SHLD2: variants seen among roughly 807,000 people sequenced by gnomAD.
The protein encoded by SHLD2 is shieldin complex subunit 2.
SHLD2 carries 30 observed loss-of-function variants against 73.2 expected under a neutral mutation model. The observed-to-expected ratio is 0.41, with a 90% CI of 0.31 to 0.56. The LOEUF is 0.56. Ranked by LOEUF, SHLD2 falls within the 20% of genes least tolerant of loss-of-function variation. The pLI is 0.28. For missense variants in SHLD2, 745 were observed against 1,055.9 expected (o/e 0.71, Z 4.08); for synonymous variants, 285 against 370.1 (o/e 0.77, Z 2.64).
rs1202164244 is a variant in SHLD2 at position 87,151,922 on chromosome 10, G to T, written c.568G>T (p.Gly190Trp). 1 of 1,610,914 alleles carries T rather than the reference G, an allele frequency of 6.2e-7. No homozygotes were observed. The highest frequency in any genetic ancestry group is 2.2e-5 in the East Asian group (1 of 44,874). The stretch of plus-strand genomic sequence containing the variant: ...TTGTAGTACTGAAAAAATTAATATA[G>T]GGCCTGAAGTGGTACAAAGAGAGTG... ...LVCSTEKINIGPEVVQRECVP... is the reference protein window; with the variant it reads ...LVCSTEKINIWPEVVQRECVP... The change falls in exon 3 of 10, where the codon GGG becomes TGG. Residue 190 changes from glycine (G) to tryptophan (W), a missense_variant. By Grantham distance (184) the Gly-to-Trp change is radical (BLOSUM62 -2). Around this residue, in one of 5 missense-constraint regions of SHLD2, gnomAD observed 280 missense variants for 353.9 expected, o/e 0.79. Transcript: ENST00000298786.
chr10:87,103,310 G>A (rs1187008669), intron 2 of SHLD2, among the ~76,000 whole-genome samples: 2 of 152,062 alleles, frequency 1.3e-5, no homozygotes, highest in East Asian at 3.8e-4. Context: ...TCAAGTGCTA[G>A]TTAATACTTC....
In SHLD2 at chr10:87,180,064, G is replaced by T. The variant is rs1848205688; in HGVS notation, c.2171-11G>T. 6.2e-7 allele frequency: 1 copy of T among 1,609,268 alleles called. No homozygotes were observed. Among genetic ancestry groups the T allele is most frequent in the South Asian group, 1.1e-5 (1 of 90,986 alleles). ...CCAATAATTTATAATATATCTGTTTGTTGTTTGTAGGAGTGGTTCTGATTA... is the reference window on the plus strand; with the variant it reads ...CCAATAATTTATAATATATCTGTTTTTTGTTTGTAGGAGTGGTTCTGATTA... On this transcript the variant is annotated splice_polypyrimidine_tract_variant and intron_variant, in intron 7 of 9. Transcript: ENST00000298786.
intron 2 of SHLD2, among the ~76,000 whole-genome samples, chr10:87,148,559 G>T (rs966225831): frequency 1.2e-4 from 15 of 128,946 alleles, no homozygotes; most frequent in African/African-American, 4.2e-4. Flanking sequence ...ACAAGTTTGT[G>T]GGGGGGCGGG....
At chr10:87,149,111 C>T (rs1177402098) in intron 2 of SHLD2, among the ~76,000 whole-genome samples, 2 of 151,852 alleles carry the variant, frequency 1.3e-5, no homozygotes, top group African/African-American at 2.4e-5. Flanking sequence ...TGGTCTCGGA[C>T]TCCTGACCTC....
intron 2 of SHLD2, among the ~76,000 whole-genome samples, chr10:87,127,537 C>A (rs1179762486): frequency 6.5e-5 from 5 of 76,840 alleles, no homozygotes; most frequent in Admixed American, 1.4e-4. Flanking sequence ...CCGCCCCCCC[C>A]CACCCCGTCT....
At chr10:87,161,773 T>C (rs1846834682) in intron 4 of SHLD2, among the ~76,000 whole-genome samples, 1 of 152,112 alleles carries the variant, frequency 6.6e-6, no homozygotes, top group African/African-American at 2.4e-5. Context: ...CTAAAGCTCA[T>C]AGGGGAAAAC....
At chr10:87,140,566 G>GA in intron 2 of SHLD2, among the ~76,000 whole-genome samples, 1 of 151,122 alleles carries the variant, frequency 6.6e-6, no homozygotes, top group East Asian at 1.9e-4. Flanking sequence ...CCTTAAAAAA[G>GA]AAAAAGAAAC....
intron 1 of SHLD2, among the ~76,000 whole-genome samples, chr10:87,096,183 TACAGGCCCGCGCC>T (rs1841863555): frequency 6.6e-6 from 1 of 152,164 alleles, no homozygotes; most frequent in East Asian, 1.9e-4. Flanking sequence ...TAGCTGGGAT[TACAGGCCCGCGCC>T]ACCACGCCCG....
At chr10:87,123,077 T>G (rs1263054173) in intron 2 of SHLD2, among the ~76,000 whole-genome samples, 2 of 152,070 alleles carry the variant, frequency 1.3e-5, no homozygotes, top group Admixed American at 6.6e-5. Context: ...GCACCTGGCC[T>G]TTTTTTGGTA....
chr10:87,128,903 A>G lies in SHLD2; in HGVS notation c.-5-22447A>G, dbSNP rs181697372. ...AATTTATTTATGTATTTTTAAATTT[A>G]TTGTTTTTGTTTGTTTTTTGAGACG... is the stretch of plus-strand genomic sequence containing the variant. On this transcript the variant is annotated intron_variant, in intron 2 of 9. Transcript: ENST00000298786. Among the ~76,000 whole-genome samples the G allele has an allele frequency of 7.9e-5, 12 of 151,854 alleles. No homozygotes were observed. In the East Asian group the frequency reaches 2.3e-3, roughly 29 times the overall value.
intron 7 of SHLD2, among the ~76,000 whole-genome samples, chr10:87,176,537 A>G (rs1847963895): frequency 1.3e-5 from 2 of 152,278 alleles, no homozygotes; most frequent in South Asian, 4.1e-4. Context: ...AATCTTTGCA[A>G]ATATCTGAAC....
At chr10:87,161,816 A>G (rs1846838437) in intron 4 of SHLD2, among the ~76,000 whole-genome samples, 1 of 152,144 alleles carries the variant, frequency 6.6e-6, no homozygotes, top group African/African-American at 2.4e-5. Flanking sequence ...AAAGACTGAC[A>G]AAGGAAAACT....
chr10:87,166,286 A>G (rs1268219555), intron 4 of SHLD2, among the ~76,000 whole-genome samples: 1 of 151,772 alleles, frequency 6.6e-6, no homozygotes, highest in East Asian at 1.9e-4. Context: ...ATTATTAGAA[A>G]TAATGTGAAA....
In SHLD2 at chr10:87,151,680, C is replaced by G. The variant is rs772783439; in HGVS notation, c.326C>G (p.Ser109Cys). 2 of 1,611,768 alleles carry G rather than the reference C, an allele frequency of 1.2e-6. No individual in the cohort carries two copies. Among genetic ancestry groups the G allele is most frequent in the South Asian group, 1.1e-5 (1 of 90,976 alleles). The change falls in exon 3 of 10, where the codon TCC becomes TGC. Residue 109 changes from serine to cysteine, a missense_variant. Transcript: ENST00000298786. ...AATATAGAATCCCAGAAGATTCACT[C>G]CTCTAGACTGAGTGATATAACTAGC... Reference protein sequence around the residue: ...TQNIESQKIHSSRLSDITSSN... With the variant: ...TQNIESQKIHCSRLSDITSSN...
At chr10:87,173,592 G>C (rs1259388305) in intron 6 of SHLD2, among the ~76,000 whole-genome samples, 3 of 152,110 alleles carry the variant, frequency 2.0e-5, no homozygotes, top group Non-Finnish European at 2.9e-5. Context: ...AGATACATTA[G>C]AGATTCAAAT....
At chr10:87,133,157 G>A (rs2760430) in intron 2 of SHLD2, among the ~76,000 whole-genome samples, 8 of 151,978 alleles carry the variant, frequency 5.3e-5, no homozygotes, top group African/African-American at 1.9e-4. Flanking sequence ...TAGACAGAAA[G>A]TCTCTAGCAA....
intron 6 of SHLD2, among the ~76,000 whole-genome samples, chr10:87,174,163 A>G (rs533116589): frequency 6.6e-6 from 1 of 151,768 alleles, no homozygotes; most frequent in East Asian, 1.9e-4. Context: ...TGTGAAAAAT[A>G]AAAAACAACC....
chr10:87,134,652 C>T (rs1844671998), intron 2 of SHLD2, among the ~76,000 whole-genome samples: 1 of 152,188 alleles, frequency 6.6e-6, no homozygotes, highest in South Asian at 2.1e-4. Flanking sequence ...AGGGCAACCA[C>T]CCTTAGAAGG....
At position 87,124,746 on chromosome 10, in the gene SHLD2, GT is replaced by G. The variant is rs201784628; in HGVS notation, c.-5-26587del. Reference sequence around the variant, plus strand: ...TAAAGTCATTATAGTTAAAAAAATTGTTTTTTTTTTTTTTTTTGAGACAGAA... The same window carrying G: ...TAAAGTCATTATAGTTAAAAAAATTGTTTTTTTTTTTTTTTTGAGACAGAA... On this transcript the variant is annotated intron_variant, in intron 2 of 9. Coordinates refer to ENST00000298786, the MANE Select transcript of SHLD2 (RefSeq NM_001330112.2). 1.0e-2 allele frequency among the ~76,000 whole-genome samples: 1,288 copies of G among 129,446 alleles called. 7 individuals carry two copies. The highest frequency in any genetic ancestry group is 0.024 in the African/African-American group (856 of 35,170). The allele number at this position is 129,446 out of a possible 152,430, so 84.9% of individuals were successfully genotyped here.
Sources: gnomAD v4.1 joint callset for allele counts (sites outside exome capture counted in the v4.1 genomes callset) on GRCh38, gnomAD v4.1.1 for gene constraint, gnomAD v4.1.1 regional missense constraint, MANE v1.5 for transcripts, NCBI Gene and HGNC (gene_info 2026-07-23, HGNC 2026-07-21) for gene names.